LRRC7: variants seen among roughly 807,000 people sequenced by gnomAD.
The protein encoded by LRRC7 is leucine rich repeat containing 7, also known as leucine-rich repeat-containing protein 7.
In LRRC7, 23 loss-of-function variants were observed where a neutral mutation model predicts 175.7. The observed-to-expected ratio is 0.13, with a 90% CI of 0.09 to 0.19. The LOEUF is 0.19. Among genes scored for constraint, LRRC7 ranks in the 10% least tolerant of loss-of-function variants. The pLI is 1.00. For synonymous variants in LRRC7, 685 were observed against 680.9 expected (o/e 1.01, Z -0.09); for missense variants, 1,354 against 1,904.7 (o/e 0.71, Z 5.38).
intron 5 of LRRC7, among the ~76,000 whole-genome samples, chr1:69,831,439 A>G (rs567587035): frequency 6.6e-5 from 10 of 152,182 alleles, no homozygotes; most frequent in African/African-American, 2.2e-4. Context: ...TTTCATTTCT[A>G]TAAGATCAAG....
At chr1:69,950,237 A>G (rs1302293688) in intron 8 of LRRC7, among the ~76,000 whole-genome samples, 1 of 152,168 alleles carries the variant, frequency 6.6e-6, no homozygotes, top group African/African-American at 2.4e-5. Flanking sequence ...GGATGGATGG[A>G]TGGATGGATA....
chr1:69,820,764 A>G (rs1342472942), intron 4 of LRRC7, among the ~76,000 whole-genome samples: 1 of 151,838 alleles, frequency 6.6e-6, no homozygotes, highest in African/African-American at 2.4e-5. Context: ...TCTATCATTG[A>G]TGGACATTTG....
chr1:70,133,474 G>A lies in LRRC7; in HGVS notation c.*11587G>A, dbSNP rs867194424. On this transcript the variant is annotated 3_prime_UTR_variant, in exon 27 of 27. Coordinates refer to ENST00000651989, the MANE Select transcript of LRRC7 (RefSeq NM_001370785.2). ...GGGCTCTATCGATCCGACCGCCTCGGCCTCCCAAAGTGCTGGGATGGCCTT... is the reference window on the plus strand; with the variant it reads ...GGGCTCTATCGATCCGACCGCCTCGACCTCCCAAAGTGCTGGGATGGCCTT... 2.6e-5 allele frequency among the ~76,000 whole-genome samples: 4 copies of A among 152,092 alleles called. No individual in the cohort carries two copies. The highest frequency in any genetic ancestry group is 4.1e-4 in the South Asian group (2 of 4,822).
chr1:69,633,459 C>CT (rs1652830917), intron 1 of LRRC7, among the ~76,000 whole-genome samples: 1 of 151,976 alleles, frequency 6.6e-6, no homozygotes, highest in African/African-American at 2.4e-5. Context: ...GACAAAATCT[C>CT]CCTCTGTCAC....
intron 3 of LRRC7, among the ~76,000 whole-genome samples, chr1:69,782,448 C>G (rs1452999302): frequency 6.6e-6 from 1 of 152,152 alleles, no homozygotes; most frequent in East Asian, 1.9e-4. Context: ...ACTTGAACAA[C>G]AGAGTAGAGG....
At position 69,721,078 on chromosome 1, in the gene LRRC7, G is replaced by A. The variant is rs866003556; in HGVS notation, c.101-39113G>A. Reference sequence around the variant, plus strand: ...AAACATAGACTTTATTTTTACAGCAGTGTTAGATTAATTGCAAAACTTGAG... The same window carrying A: ...AAACATAGACTTTATTTTTACAGCAATGTTAGATTAATTGCAAAACTTGAG... On this transcript the variant is annotated intron_variant, in intron 2 of 26. Coordinates refer to ENST00000651989, the MANE Select transcript of LRRC7 (RefSeq NM_001370785.2). Among the ~76,000 whole-genome samples, 7 of 151,800 alleles carry A rather than the reference G, an allele frequency of 4.6e-5. No homozygotes were observed. The Middle Eastern group carries it at 0.01, about 221-fold the overall frequency.
At chr1:70,082,779 A>C (rs1571273528) in intron 24 of LRRC7, among the ~76,000 whole-genome samples, 1 of 11,774 alleles carries the variant, frequency 8.5e-5, no homozygotes, top group African/African-American at 1.4e-4. Flanking sequence ...TGATACCAGT[A>C]CATTTTTTTT....
At chr1:70,019,431 G>A (rs1331370576) in intron 15 of LRRC7, among the ~76,000 whole-genome samples, 1 of 151,818 alleles carries the variant, frequency 6.6e-6, no homozygotes, top group Non-Finnish European at 1.5e-5. Flanking sequence ...TTTGCTATTT[G>A]AAACTTAGCA....
intron 23 of LRRC7, among the ~76,000 whole-genome samples, chr1:70,075,063 A>C (rs1662676056): frequency 6.6e-6 from 1 of 152,234 alleles, no homozygotes; most frequent in African/African-American, 2.4e-5. Flanking sequence ...AAGAGGAAAG[A>C]AAATGAATTC....
intron 7 of LRRC7, among the ~76,000 whole-genome samples, chr1:69,928,758 C>A (rs1165830319): frequency 1.3e-5 from 2 of 152,216 alleles, no homozygotes; most frequent in African/African-American, 4.8e-5. Flanking sequence ...CCTTGCGCTT[C>A]CCAAGTGAGG....
chr1:69,715,916 A>C (rs1207032107), intron 2 of LRRC7, among the ~76,000 whole-genome samples: 1 of 152,120 alleles, frequency 6.6e-6, no homozygotes, highest in East Asian at 1.9e-4. Context: ...AATGTTGGAC[A>C]ACAGTATCAT....
intron 23 of LRRC7, among the ~76,000 whole-genome samples, chr1:70,075,430 G>A (rs971631101): frequency 2.0e-5 from 3 of 152,104 alleles, no homozygotes; most frequent in Non-Finnish European, 1.5e-5. Flanking sequence ...GATCATTATC[G>A]GTTTAAATAA....
chr1:69,877,479 T>A lies in LRRC7; in HGVS notation c.647+39196T>A, dbSNP rs190354435. On this transcript the variant is annotated intron_variant, in intron 7 of 26. Coordinates refer to ENST00000651989, the MANE Select transcript of LRRC7 (RefSeq NM_001370785.2). Reference sequence around the variant, plus strand: ...AAAGCTACTTAGACAATTCTTTTTTTAAAAAAAACCAGTTTTATTGAGGTG... The same window carrying A: ...AAAGCTACTTAGACAATTCTTTTTTAAAAAAAAACCAGTTTTATTGAGGTG... 1.6e-3 allele frequency among the ~76,000 whole-genome samples: 248 copies of A among 151,992 alleles called. 1 individual carries two copies. Among genetic ancestry groups the A allele is most frequent in the African/African-American group, 3.5e-3 (146 of 41,470 alleles).
intron 2 of LRRC7, among the ~76,000 whole-genome samples, chr1:69,755,049 C>A (rs57986555): frequency 0.021 from 3,143 of 151,784 alleles, 120 homozygotes; most frequent in African/African-American, 0.072. Flanking sequence ...CCAAAGTGGA[C>A]GGATAAGTGT....
chr1:69,723,409 CA>C (rs1396153489), intron 2 of LRRC7, among the ~76,000 whole-genome samples: 1 of 151,962 alleles, frequency 6.6e-6, no homozygotes, highest in African/African-American at 2.4e-5. Flanking sequence ...CTCAAAATAC[CA>C]AAAATGGGAA....
chr1:70,031,721 A>G (rs1343108770), intron 18 of LRRC7, among the ~76,000 whole-genome samples: 1 of 152,088 alleles, frequency 6.6e-6, no homozygotes, highest in African/African-American at 2.4e-5. Flanking sequence ...TCTGTTTATC[A>G]TTGATTTTCA....
At chr1:70,073,936 C>T (rs1429900794) in intron 23 of LRRC7, among the ~76,000 whole-genome samples, 1 of 152,218 alleles carries the variant, frequency 6.6e-6, no homozygotes, top group African/African-American at 2.4e-5. Context: ...CACTGTGGCT[C>T]CAGCCTGTAA....
At chr1:69,626,368 G>A (rs11209503) in intron 1 of LRRC7, among the ~76,000 whole-genome samples, 11,441 of 137,612 alleles carry the variant, frequency 0.083, 550 homozygotes, top group Middle Eastern at 0.13. Context: ...ACTCTCTGAT[G>A]CATTTACTTA....
intron 11 of LRRC7, among the ~76,000 whole-genome samples, chr1:69,996,769 G>A (rs1655014167): frequency 6.6e-6 from 1 of 151,804 alleles, no homozygotes; most frequent in African/African-American, 2.4e-5. Flanking sequence ...TCTCTGTTTT[G>A]GTACCAGTAC....
Sources: gnomAD v4.1 joint callset for allele counts (sites outside exome capture counted in the v4.1 genomes callset) on GRCh38, gnomAD v4.1.1 for gene constraint, MANE v1.5 for transcripts, NCBI Gene and HGNC (gene_info 2026-07-23, HGNC 2026-07-21) for gene names.